The following RREB1 variants were observed in gnomAD, a reference collection of about 807,000 sequenced individuals.
The protein encoded by RREB1 is ras responsive element binding protein 1, also known as ras-responsive element-binding protein 1.
Under a neutral mutation model 117.8 loss-of-function variants are expected in RREB1, and 27 were observed. The observed-to-expected ratio is 0.23, with a 90% confidence interval of 0.17 to 0.32. The LOEUF (loss-of-function observed/expected upper bound fraction) is 0.32, where lower values mean the gene tolerates loss of function less well. Ranked by LOEUF, RREB1 falls within the 10% of genes least tolerant of loss-of-function variation. The pLI is 1.00. For synonymous variants in RREB1, 1,298 were observed against 1,026.7 expected (o/e 1.26, Z -5.05); for missense variants, 2,577 against 2,378.2 (o/e 1.08, Z -1.74).
At chr6:7,218,949 A>G (rs1189932923) in intron 8 of RREB1, 1 of 151,902 alleles carries the variant, frequency 6.6e-6, no homozygotes, top group African/African-American at 2.4e-5. Flanking sequence ...CATTAATTCA[A>G]TGCTTTTTAA....
chr6:7,243,685 C>G (rs1426484336), intron 11 of RREB1, among the ~76,000 whole-genome samples: 1 of 152,120 alleles, frequency 6.6e-6, no homozygotes, highest in East Asian at 1.9e-4. Context: ...AGAATACAAC[C>G]AAGCCCCCTG....
intron 8 of RREB1, chr6:7,215,803 G>A (rs1048393195): frequency 1.3e-5 from 2 of 152,204 alleles, no homozygotes; most frequent in African/African-American, 4.8e-5. Flanking sequence ...TTTGAAATCT[G>A]GTGTGTGTGA....
chr6:7,246,415 G>A lies in RREB1; in HGVS notation c.3974-9G>A, dbSNP rs149294211. 6,657 of 1,470,258 alleles carry A rather than the reference G, an allele frequency of 4.5e-3. 25 individuals carry two copies. The highest frequency in any genetic ancestry group is 0.015 in the Middle Eastern group (83 of 5,558). The allele number at this position is 1,470,258 out of a possible 1,614,324, so 91.1% of individuals were successfully genotyped here. On this transcript the variant is annotated splice_polypyrimidine_tract_variant and intron_variant, in intron 11 of 12. Coordinates refer to ENST00000379938, the MANE Select transcript of RREB1 (RefSeq NM_001003699.4). Reference sequence around the variant, plus strand: ...CCTCTGAGCCCTCCCCGCTGTGCTTGCCCCACAGACAGTCAGTCGGATGCG... The same window carrying A: ...CCTCTGAGCCCTCCCCGCTGTGCTTACCCCACAGACAGTCAGTCGGATGCG...
chr6:7,125,289 TGG>T (rs1281972731), intron 1 of RREB1, among the ~76,000 whole-genome samples: 2 of 152,248 alleles, frequency 1.3e-5, no homozygotes, highest in East Asian at 3.9e-4. Flanking sequence ...GGTGAAACAC[TGG>T]ACAAATTCTG....
intron 1 of RREB1, among the ~76,000 whole-genome samples, chr6:7,124,999 G>C (rs1013489754): frequency 3.9e-5 from 6 of 152,220 alleles, no homozygotes; most frequent in African/African-American, 1.4e-4. Context: ...ATCCTTCCTT[G>C]TGAGGCACAT....
chr6:7,192,338 G>C (rs910198862), intron 6 of RREB1, among the ~76,000 whole-genome samples: 1 of 151,542 alleles, frequency 6.6e-6, no homozygotes, highest in African/African-American at 2.4e-5. Flanking sequence ...GACTACAGGC[G>C]TGCACCACCA....
chr6:7,112,069 TCTC>T (rs1030162680), intron 1 of RREB1, among the ~76,000 whole-genome samples: 16 of 152,192 alleles, frequency 1.1e-4, no homozygotes, highest in African/African-American at 3.1e-4. Flanking sequence ...TGATAGGGCT[TCTC>T]CTCCATTTCA....
chr6:7,138,547 G>A (rs750758425), intron 1 of RREB1, among the ~76,000 whole-genome samples: 8 of 152,172 alleles, frequency 5.3e-5, no homozygotes, highest in Admixed American at 1.3e-4. Flanking sequence ...TGTAATCCAA[G>A]GTCAAAGTGG....
rs535531117 is a variant in RREB1 at position 7,250,215 on chromosome 6, A to C, written c.*1247A>C. 6.6e-6 allele frequency: 1 copy of C among 152,350 alleles called. No homozygotes were observed. The highest frequency in any genetic ancestry group is 1.9e-4 in the East Asian group (1 of 5,194). The allele number at this position is 152,350 out of a possible 1,614,324, so 9.4% of individuals were successfully genotyped here. On this transcript the variant is annotated 3_prime_UTR_variant, in exon 13 of 13. Coordinates refer to ENST00000379938, the MANE Select transcript of RREB1 (RefSeq NM_001003699.4). ...TATTCCCAGTCTTCCTGCTAAGCCT[A>C]ATCCAAGCCTTACCCAGCTGTGCTA... is the stretch of plus-strand genomic sequence containing the variant.
chr6:7,152,476 T>C (rs1763168715), intron 1 of RREB1, among the ~76,000 whole-genome samples: 1 of 152,236 alleles, frequency 6.6e-6, no homozygotes, highest in African/African-American at 2.4e-5. Context: ...ATGAAACATA[T>C]GAAAGAAATT....
Sources: gnomAD v4.1 joint callset for allele counts (sites outside exome capture counted in the v4.1 genomes callset) on GRCh38, gnomAD v4.1.1 for gene constraint, MANE v1.5 for transcripts, NCBI Gene and HGNC (gene_info 2026-07-23, HGNC 2026-07-21) for gene names.